Variants in AFAP1 observed in about 807,000 individuals in gnomAD.
The protein encoded by AFAP1 is actin filament-associated protein 1.
AFAP1 carries 75 observed loss-of-function variants against 93.9 expected under a neutral mutation model. The observed-to-expected ratio is 0.80, with a 90% CI of 0.66 to 0.97. The LOEUF (loss-of-function observed/expected upper bound fraction) is 0.97. AFAP1 is among the 50% of genes least tolerant of loss of function. The pLI is 0.00. For synonymous variants in AFAP1, 517 were observed against 430.7 expected, an observed-to-expected ratio of 1.20 and a Z score of -2.48; for missense variants, 1,201 against 1,050.8, an observed-to-expected ratio of 1.14 and a Z score of -1.98.
chr4:7,902,937 C>T (rs1248001287), intron 1 of AFAP1, among the ~76,000 whole-genome samples: 3 of 152,226 alleles, frequency 2.0e-5, no homozygotes, highest in African/African-American at 4.8e-5. Context: ...ATGTGAAAAG[C>T]TATGATACTT....
chr4:7,873,066 A>G (rs548256374), intron 1 of AFAP1, among the ~76,000 whole-genome samples: 1 of 150,936 alleles, frequency 6.6e-6, no homozygotes, highest in African/African-American at 2.4e-5. Context: ...CCTGGCCAAC[A>G]TGGCCATCTC....
intron 2 of AFAP1, among the ~76,000 whole-genome samples, 199 bp downstream of exon 2, chr4:7,871,753 T>C (rs1717069098): frequency 6.6e-6 from 1 of 152,220 alleles, no homozygotes; most frequent in African/African-American, 2.4e-5. Flanking sequence ...CATTAGCTCC[T>C]TCAAAGCTTT....
chr4:7,938,832 G>A (rs1016447926), intron 1 of AFAP1, among the ~76,000 whole-genome samples: 2 of 152,108 alleles, frequency 1.3e-5, no homozygotes, highest in African/African-American at 4.8e-5. Flanking sequence ...GGCCAGAGCA[G>A]GAAGCGCGGC....
chr4:7,885,800 G>A (rs560540046), intron 1 of AFAP1, among the ~76,000 whole-genome samples: 29 of 152,154 alleles, frequency 1.9e-4, no homozygotes, highest in Non-Finnish European at 1.2e-4. Flanking sequence ...AAAATTCGTG[G>A]TGAAAGACTA....
At chr4:7,814,929 AAAGT>A (rs1319779012) in intron 8 of AFAP1, among the ~76,000 whole-genome samples, 1 of 152,252 alleles carries the variant, frequency 6.6e-6, no homozygotes, top group Non-Finnish European at 1.5e-5. Context: ...CTGGCCTGAA[AAAGT>A]AAGACAGGCT....
chr4:7,769,192 C>T (rs753441196), intron 16 of AFAP1, among the ~76,000 whole-genome samples, 184 bp from the exon 17 acceptor site: 1 of 152,224 alleles, frequency 6.6e-6, no homozygotes. Flanking sequence ...GCATTCACGG[C>T]CGGGGGGCAG....
chr4:7,843,129 A>C lies in AFAP1; in HGVS notation c.546+10T>G, dbSNP rs1393107133. 1.2e-6 allele frequency: 2 copies of C among 1,612,488 alleles called. No homozygotes were observed. Among genetic ancestry groups the C allele is most frequent in the East Asian group, 2.2e-5 (1 of 44,834 alleles). On this transcript the variant is annotated intron_variant, in intron 5 of 17. Coordinates refer to ENST00000420658, the MANE Select transcript of AFAP1 (RefSeq NM_001134647.2). ...CTTACAAAAAATGCAAGCGATTCCA[A>C]ATGTCTTACCAGCAGTTTGGTGTCT...
At chr4:7,793,519 G>A (rs772495215) in intron 11 of AFAP1, among the ~76,000 whole-genome samples, 162 bp downstream of exon 11, 8 of 152,198 alleles carry the variant, frequency 5.3e-5, no homozygotes, top group Middle Eastern at 3.2e-3. Flanking sequence ...GGGCTGACAC[G>A]ACAAAAACAT....
intron 13 of AFAP1, among the ~76,000 whole-genome samples, chr4:7,780,186 C>G (rs1716612983): frequency 6.6e-6 from 1 of 152,234 alleles, no homozygotes; most frequent in African/African-American, 2.4e-5. Flanking sequence ...AGGCCAACGG[C>G]TCCCCTACCC....
chr4:7,908,343 C>T (rs1719545009), intron 1 of AFAP1, among the ~76,000 whole-genome samples: 2 of 152,226 alleles, frequency 1.3e-5, no homozygotes, highest in Admixed American at 6.5e-5. Context: ...CCATGGCAGC[C>T]CTTGGCATCA....
chr4:7,854,959 C>T (rs984265672), intron 4 of AFAP1, among the ~76,000 whole-genome samples: 2 of 152,086 alleles, frequency 1.3e-5, no homozygotes, highest in South Asian at 2.1e-4. Flanking sequence ...CCAGGAGAAC[C>T]AGAACTTAGG....
At chr4:7,804,740 G>A (rs1687250774) in intron 9 of AFAP1, among the ~76,000 whole-genome samples, 1 of 152,182 alleles carries the variant, frequency 6.6e-6, no homozygotes, top group African/African-American at 2.4e-5. Flanking sequence ...AGGCTACTGT[G>A]CTTTGGTTAC....
rs147265530 is a variant in AFAP1 at position 7,833,445 on chromosome 4, T to C, written c.726+5079A>G. Among the ~76,000 whole-genome samples the C allele has an allele frequency of 8.3e-3, 1,260 of 152,176 alleles. 10 individuals carry two copies. Among genetic ancestry groups the C allele is most frequent in the African/African-American group, 0.027 (1,130 of 41,506 alleles). On this transcript the variant is annotated intron_variant, in intron 6 of 17. Coordinates refer to ENST00000420658, the MANE Select transcript of AFAP1 (RefSeq NM_001134647.2). ...CAGGGAAAGCAAATCAAAACCACAA[T>C]GTGATACCACCTTACTCCTGCAAGA...
At chr4:7,916,614 A>G (rs1325100276) in intron 1 of AFAP1, among the ~76,000 whole-genome samples, 1 of 149,776 alleles carries the variant, frequency 6.7e-6, no homozygotes, top group East Asian at 1.9e-4. Flanking sequence ...CCCCTCCTGC[A>G]GGAGTGGGAA....
intron 3 of AFAP1, among the ~76,000 whole-genome samples, chr4:7,864,192 G>A (rs998565698): frequency 4.6e-5 from 7 of 150,556 alleles, no homozygotes; most frequent in African/African-American, 1.5e-4. Flanking sequence ...TTTAACCCCT[G>A]CAGACAATTC....
chr4:7,828,975 C>T (rs372862760), intron 6 of AFAP1, among the ~76,000 whole-genome samples: 8 of 152,170 alleles, frequency 5.3e-5, no homozygotes, highest in African/African-American at 1.4e-4. Context: ...ATCATGGGGG[C>T]GGTTACCTTC....
chr4:7,871,781 G>A (rs771497803), intron 2 of AFAP1, among the ~76,000 whole-genome samples, 171 bp downstream of exon 2: 1 of 152,150 alleles, frequency 6.6e-6, no homozygotes, highest in Non-Finnish European at 1.5e-5. Context: ...TACACCTGGA[G>A]GCTAACACAG....
chr4:7,884,843 T>C (rs1718053692), intron 1 of AFAP1, among the ~76,000 whole-genome samples: 1 of 152,180 alleles, frequency 6.6e-6, no homozygotes, highest in African/African-American at 2.4e-5. Flanking sequence ...CTACAAAAAG[T>C]ATGAGCTCCT....
intron 6 of AFAP1, among the ~76,000 whole-genome samples, chr4:7,829,922 C>T (rs1044782321): frequency 1.3e-5 from 2 of 152,198 alleles, no homozygotes; most frequent in African/African-American, 4.8e-5. Context: ...ATAAGGTTAT[C>T]TAATACAGAA....
Sources: allele counts gnomAD v4.1 joint callset (sites outside exome capture counted in the v4.1 genomes callset), GRCh38; gene constraint gnomAD v4.1.1; transcripts MANE v1.5; gene names NCBI Gene and HGNC (gene_info 2026-07-23, HGNC 2026-07-21).